Variants in NCOA2 observed in about 807,000 individuals in gnomAD.
The protein encoded by NCOA2 is nuclear receptor coactivator 2.
NCOA2 carries 21 observed loss-of-function variants against 145.1 expected under a neutral mutation model. That is an observed-to-expected ratio of 0.14 (90% CI 0.10 to 0.21). NCOA2 has a LOEUF of 0.21. Among genes scored for constraint, NCOA2 ranks in the 10% least tolerant of loss-of-function variants. The pLI is 1.00. For synonymous variants in NCOA2, 619 were observed against 637.5 expected (o/e 0.97, Z 0.44); for missense variants, 1,472 against 1,837.6 (o/e 0.80, Z 3.64).
chr8:70,266,478 G>A (rs917320676), intron 2 of NCOA2, among the ~76,000 whole-genome samples: 1 of 152,102 alleles, frequency 6.6e-6, no homozygotes, highest in Admixed American at 6.5e-5. Flanking sequence ...GGCTCAAAGC[G>A]GTTATTTCTA....
the NCOA2 span, among the ~76,000 whole-genome samples, chr8:70,455,777 A>G: frequency 6.6e-6 from 1 of 151,470 alleles, no homozygotes; most frequent in Admixed American, 6.6e-5. Flanking sequence ...GGAATTGTTT[A>G]GATCATCTGA....
Position 70,170,412 on chromosome 8 carries a change from G to A in NCOA2, c.364-33C>T, listed in dbSNP as rs776123155. 4.0e-6 allele frequency: 6 copies of A among 1,502,914 alleles called. No homozygotes were observed. In the East Asian group the frequency reaches 1.2e-4, roughly 31 times the overall value. The allele number at this position is 1,502,914 out of a possible 1,614,324, so 93.1% of individuals were successfully genotyped here. A position where few individuals can be genotyped will look rare whatever the true frequency, so the allele number is the denominator to read the frequency against. ...ACAAAGTACAAATTGTGTTAGAAAG[G>A]ATGCAACATAACATCACATGCAATT... On this transcript the variant is annotated intron_variant, in intron 5 of 22. Coordinates refer to ENST00000452400, the MANE Select transcript of NCOA2 (RefSeq NM_006540.4).
intron 8 of NCOA2, 93 bp from the exon 9 acceptor site, chr8:70,162,947 C>A (rs954082997): frequency 8.1e-6 from 10 of 1,232,652 alleles, no homozygotes; most frequent in Non-Finnish European, 1.1e-5. Flanking sequence ...CAGAGTCTCA[C>A]TCTATCGTCC....
chr8:70,336,758 T>C (rs558543689), intron 1 of NCOA2, among the ~76,000 whole-genome samples: 102 of 152,212 alleles, frequency 6.7e-4, no homozygotes, highest in African/African-American at 2.2e-3. Flanking sequence ...CTCCAACATG[T>C]GGGGATTACA....
At chr8:70,263,629 T>C (rs988260104) in intron 2 of NCOA2, among the ~76,000 whole-genome samples, 1 of 151,802 alleles carries the variant, frequency 6.6e-6, no homozygotes, top group Admixed American at 6.6e-5. Context: ...ACCGGGAAGC[T>C]GAGGCAGGAG....
chr8:70,126,583 T>G (rs1808442741), intron 19 of NCOA2: 1 of 570,368 alleles, frequency 1.8e-6, no homozygotes, highest in African/African-American at 1.9e-5. Context: ...AAGTAAGACC[T>G]GCACTCAGAG....
intron 2 of NCOA2, among the ~76,000 whole-genome samples, chr8:70,251,827 A>G (rs1238679004): frequency 6.6e-6 from 1 of 152,224 alleles, no homozygotes; most frequent in Non-Finnish European, 1.5e-5. Context: ...TGGGAATCTC[A>G]AAGTCATCCG....
At chr8:70,441,545 GAGAA>G in the NCOA2 span, among the ~76,000 whole-genome samples, 3 of 147,076 alleles carry the variant, frequency 2.0e-5, no homozygotes, top group African/African-American at 7.5e-5. Flanking sequence ...AAGAAAGAGA[GAGAA>G]AGAAAGAGGA....
chr8:70,325,859 A>G (rs1229217668), intron 1 of NCOA2, among the ~76,000 whole-genome samples: 1 of 152,110 alleles, frequency 6.6e-6, no homozygotes, highest in Admixed American at 6.6e-5. Context: ...TTCTGGCCAA[A>G]GCTTCATCAT....
chr8:70,404,750 A>T (rs1814691126), upstream of NCOA2, among the ~76,000 whole-genome samples: 2 of 152,244 alleles, frequency 1.3e-5, no homozygotes, highest in African/African-American at 4.8e-5. Flanking sequence ...ATCCGTGAAC[A>T]AAGTACTGAG....
intron 2 of NCOA2, among the ~76,000 whole-genome samples, chr8:70,234,886 T>C (rs1274531653): frequency 2.6e-5 from 4 of 152,234 alleles, no homozygotes; most frequent in African/African-American, 9.6e-5. Flanking sequence ...CCCTGTTCTA[T>C]ACCATAGGTT....
intron 1 of NCOA2, among the ~76,000 whole-genome samples, chr8:70,347,485 A>T (rs1808785773): frequency 6.8e-6 from 1 of 146,118 alleles, no homozygotes; most frequent in Non-Finnish European, 1.5e-5. Context: ...ACTCCATCTT[A>T]AAAAAAAAAA....
intron 2 of NCOA2, among the ~76,000 whole-genome samples, chr8:70,266,228 TCA>T (rs1428956337): frequency 2.0e-5 from 3 of 152,146 alleles, no homozygotes; most frequent in African/African-American, 7.2e-5. Context: ...AGTGGCACGA[TCA>T]CAGTTTATTG....
intron 2 of NCOA2, among the ~76,000 whole-genome samples, chr8:70,265,849 TAA>T (rs1000021309): frequency 9.2e-5 from 14 of 152,140 alleles, no homozygotes; most frequent in Non-Finnish European, 1.6e-4. Context: ...TTTGTTTTTT[TAA>T]AGAGACAGAG....
intron 4 of NCOA2, among the ~76,000 whole-genome samples, chr8:70,198,382 T>C (rs1817561993): frequency 6.6e-6 from 1 of 152,062 alleles, no homozygotes; most frequent in African/African-American, 2.4e-5. Flanking sequence ...GCCAGAAAGA[T>C]AAGAGCAGGA....
intron 2 of NCOA2, among the ~76,000 whole-genome samples, chr8:70,265,190 C>T (rs558423461): frequency 1.1e-4 from 17 of 152,212 alleles, no homozygotes; most frequent in African/African-American, 3.9e-4. Context: ...GAATGGGATC[C>T]TTATGATGGA....
In NCOA2 at chr8:70,113,119, C is replaced by G. The variant is rs1292127953; in HGVS notation, c.*513G>C. On this transcript the variant is annotated 3_prime_UTR_variant, in exon 23 of 23. Transcript: ENST00000452400. Reference sequence around the variant, plus strand: ...GCTGTCCACGGTGTCTGTCCTGCTTCCATCCCAAATTCAGGCTTTAGCTTA... The same window carrying G: ...GCTGTCCACGGTGTCTGTCCTGCTTGCATCCCAAATTCAGGCTTTAGCTTA... 1 of 203,150 alleles carries G rather than the reference C, an allele frequency of 4.9e-6. No individual in the cohort carries two copies. Among genetic ancestry groups the G allele is most frequent in the East Asian group, 7.7e-5 (1 of 13,016 alleles). The allele number at this position is 203,150 out of a possible 1,614,324, so 12.6% of individuals were successfully genotyped here.
chr8:70,142,818 T>A (rs771625346), intron 13 of NCOA2, among the ~76,000 whole-genome samples: 2 of 152,222 alleles, frequency 1.3e-5, no homozygotes, highest in African/African-American at 2.4e-5. Context: ...TTTATTTTTT[T>A]AAAAATCTGT....
rs76040298 is a variant in NCOA2 at position 70,378,945 on chromosome 8, C to T, written c.-77+24755G>A. 4.2e-3 allele frequency among the ~76,000 whole-genome samples: 641 copies of T among 152,114 alleles called. 8 individuals are homozygous for T. Among genetic ancestry groups the T allele is most frequent in the African/African-American group, 0.015 (612 of 41,476 alleles). On this transcript the variant is annotated intron_variant, in intron 1 of 22. Coordinates refer to ENST00000452400, the MANE Select transcript of NCOA2 (RefSeq NM_006540.4). ...CCATGATGATGATTTCCACATAGCT[C>T]CTAAGGGGCATGGCTGGGTTTCAAA...
Sources: allele counts gnomAD v4.1 joint callset (sites outside exome capture counted in the v4.1 genomes callset), GRCh38; gene constraint gnomAD v4.1.1; transcripts MANE v1.5; gene names NCBI Gene and HGNC (gene_info 2026-07-23, HGNC 2026-07-21).